The following ITGA8 variants were observed in gnomAD, a reference collection of about 807,000 sequenced individuals.
ITGA8 encodes integrin subunit alpha 8, also known as integrin alpha-8.
A neutral mutation model predicts 142.3 loss-of-function variants in ITGA8; 91 were observed. The observed-to-expected ratio is 0.64, with a 90% CI of 0.54 to 0.76. The LOEUF is 0.76. Ranked by LOEUF, ITGA8 falls within the 30% of genes least tolerant of loss-of-function variation. ITGA8 has a pLI of 0.00. For missense variants in ITGA8, 1,406 were observed against 1,327.7 expected, an observed-to-expected ratio of 1.06 and a Z score of -0.92; for synonymous variants, 505 against 485.2, an observed-to-expected ratio of 1.04 and a Z score of -0.54.
intron 4 of ITGA8, 50 bp from the exon 5 acceptor site, chr10:15,678,833 AT>A (rs1057046611): frequency 4.2e-6 from 5 of 1,185,332 alleles, no homozygotes; most frequent in Non-Finnish European, 6.2e-6. Context: ...TTCCTGAAAT[AT>A]TTTTTAATAA....
In ITGA8 at chr10:15,594,933, G is replaced by A. The variant is rs147061169; in HGVS notation, c.2211+2274C>T. Among the ~76,000 whole-genome samples, 917 of 152,254 alleles carry A rather than the reference G, an allele frequency of 6.0e-3. 7 individuals carry two copies. The highest frequency in any genetic ancestry group is 0.021 in the African/African-American group (883 of 41,530). On this transcript the variant is annotated intron_variant, in intron 21 of 29. Transcript: ENST00000378076. ...AAGCATGGGACAAAGACCCAATGAAGGTGTGACAATTTCATACTGGTAAGA... is the reference window on the plus strand; with the variant it reads ...AAGCATGGGACAAAGACCCAATGAAAGTGTGACAATTTCATACTGGTAAGA...
intron 2 of ITGA8, among the ~76,000 whole-genome samples, chr10:15,689,688 C>T (rs1202335847): frequency 1.3e-5 from 2 of 152,168 alleles, no homozygotes; most frequent in African/African-American, 4.8e-5. Context: ...GTGCATCCCG[C>T]TCTGGGGGCC....
intron 27 of ITGA8, among the ~76,000 whole-genome samples, chr10:15,536,961 T>G (rs890834598): frequency 6.6e-6 from 1 of 152,232 alleles, no homozygotes; most frequent in Non-Finnish European, 1.5e-5. Flanking sequence ...TAGCCCGTTT[T>G]GAAATATTCA....
At chr10:15,699,497 T>C (rs945531962) in intron 2 of ITGA8, among the ~76,000 whole-genome samples, 3 of 152,234 alleles carry the variant, frequency 2.0e-5, no homozygotes. Context: ...TAGATCAGTC[T>C]AGCTCATTCT....
rs376632558 is a variant in ITGA8, at chr10:15,519,384, G to A, written c.3011C>T (p.Pro1004Leu). ...TAATGGGATTGAGAAGGAAACATTC[G>A]GAGTTGCCCAAATAACTGATGTCTT... ...VIKTSVIWAT[P>L]NVSFSIPLWV... The change falls in exon 29 of 30, where the codon CCG becomes CTG. Residue 1004 changes from proline (P) to leucine (L), a missense_variant. Transcript: ENST00000378076. The A allele has an allele frequency of 6.8e-6, 11 of 1,613,566 alleles. No individual in the cohort carries two copies. The highest frequency in any genetic ancestry group is 6.7e-5 in the East Asian group (3 of 44,818).
chr10:15,660,966 C>T lies in ITGA8; in HGVS notation c.848-44G>A, dbSNP rs757023715. ...ATTTAGAAGGGGAATTACTCACACACACAAACACACACACACACGCCATAT... is the reference window on the plus strand; with the variant it reads ...ATTTAGAAGGGGAATTACTCACACATACAAACACACACACACACGCCATAT... On this transcript the variant is annotated intron_variant, in intron 8 of 29. Coordinates refer to ENST00000378076, the MANE Select transcript of ITGA8 (RefSeq NM_003638.3). The T allele has an allele frequency of 3.5e-6, 5 of 1,430,348 alleles. No homozygotes were observed. In the East Asian group the frequency reaches 6.8e-5, roughly 20 times the overall value. 88.6% of individuals were successfully genotyped at this position (1,430,348 alleles called of 1,614,324 possible). A position where few individuals can be genotyped will look rare whatever the true frequency, so the allele number is the denominator to read the frequency against.
At chr10:15,613,632 G>C in intron 15 of ITGA8, 28 bp downstream of exon 15, 2 of 1,399,350 alleles carry the variant, frequency 1.4e-6, no homozygotes, top group African/African-American at 1.4e-5. Flanking sequence ...ATTCACATTG[G>C]AGTTTGAGAA....
chr10:15,617,012 G>A (rs9333145), intron 13 of ITGA8, among the ~76,000 whole-genome samples: 48,882 of 152,052 alleles, frequency 0.32, 8,325 homozygotes, highest in South Asian at 0.55. Flanking sequence ...TGACACAACC[G>A]TTTGCTCTTT....
intron 2 of ITGA8, among the ~76,000 whole-genome samples, chr10:15,713,528 C>T (rs983625048): frequency 6.6e-6 from 1 of 152,178 alleles, no homozygotes; most frequent in African/African-American, 2.4e-5. Flanking sequence ...ACTTGGGTAG[C>T]TCTAACCTAC....
intron 28 of ITGA8, among the ~76,000 whole-genome samples, chr10:15,523,229 C>A (rs1041989713): frequency 2.0e-5 from 3 of 152,140 alleles, no homozygotes; most frequent in African/African-American, 7.2e-5. Flanking sequence ...TTGGTTATTG[C>A]AGGTTTTGAT....
At chr10:15,575,377 G>C (rs563442318) in intron 24 of ITGA8, 112 bp downstream of exon 24, 1 of 787,098 alleles carries the variant, frequency 1.3e-6, no homozygotes, top group African/African-American at 1.7e-5. Context: ...GAGACACAGC[G>C]AGATCCTGTC....
intron 20 of ITGA8, among the ~76,000 whole-genome samples, chr10:15,601,714 A>G (rs1729132947): frequency 6.6e-6 from 1 of 152,234 alleles, no homozygotes; most frequent in African/African-American, 2.4e-5. Context: ...GGTTTCCTAG[A>G]GCAAGAGATG....
At chr10:15,622,594 A>C (rs1833509240) in intron 13 of ITGA8, among the ~76,000 whole-genome samples, 1 of 21,718 alleles carries the variant, frequency 4.6e-5, no homozygotes, top group African/African-American at 6.3e-5. Context: ...AAACAAAACA[A>C]AACAAAACAA....
At chr10:15,575,809 A>C (rs1379105457) in intron 23 of ITGA8, among the ~76,000 whole-genome samples, 1 of 152,222 alleles carries the variant, frequency 6.6e-6, no homozygotes, top group Non-Finnish European at 1.5e-5. Flanking sequence ...TCCAGCCCAG[A>C]GGGCAACTAT....
intron 13 of ITGA8, among the ~76,000 whole-genome samples, chr10:15,637,110 A>C (rs1424148714): frequency 2.0e-5 from 3 of 152,162 alleles, no homozygotes; most frequent in African/African-American, 7.2e-5. Flanking sequence ...GTGACGCTGC[A>C]CTCCAACCTG....
chr10:15,527,407 T>A (rs1258090796), intron 28 of ITGA8, among the ~76,000 whole-genome samples: 1 of 152,210 alleles, frequency 6.6e-6, no homozygotes, highest in East Asian at 1.9e-4. Context: ...CACTTTCTGC[T>A]AGATGTAAAT....
At chr10:15,614,917 C>T (rs146089472) in intron 14 of ITGA8, among the ~76,000 whole-genome samples, 18 of 152,222 alleles carry the variant, frequency 1.2e-4, no homozygotes, top group African/African-American at 3.9e-4. Context: ...TGGGATCAAA[C>T]ACTTATGAGG....
chr10:15,678,840 A>G, intron 4 of ITGA8, 57 bp from the exon 5 acceptor site: 1 of 1,101,256 alleles, frequency 9.1e-7, no homozygotes, highest in Non-Finnish European at 1.4e-6. Context: ...AATATTTTTT[A>G]ATAACCAATT....
rs534714654 is a variant in ITGA8 at position 15,657,509 on chromosome 10, C to CTTTTTTTTTTTTT, written c.948+1489_948+1490insAAAAAAAAAAAAA. Among the ~76,000 whole-genome samples, 22 of 116,522 alleles carry CTTTTTTTTTTTTT rather than the reference C, an allele frequency of 1.9e-4. 2 individuals carry two copies. Among genetic ancestry groups the CTTTTTTTTTTTTT allele is most frequent in the South Asian group, 2.9e-4 (1 of 3,390 alleles). The allele number at this position is 116,522 out of a possible 152,430, so 76.4% of individuals were successfully genotyped here. ...CTGCTGGTTTCTTTTTCTTTTCTTT[C>CTTTTTTTTTTTTT]ATTTTTTTTTTTTTTTTTTTTTAAC... On this transcript the variant is annotated intron_variant, in intron 10 of 29. Transcript: ENST00000378076.
Sources: gnomAD v4.1 joint callset for allele counts (sites outside exome capture counted in the v4.1 genomes callset) on GRCh38, gnomAD v4.1.1 for gene constraint, MANE v1.5 for transcripts, NCBI Gene and HGNC (gene_info 2026-07-23, HGNC 2026-07-21) for gene names.